The following ZNF133 variants were observed in gnomAD, a reference collection of about 807,000 sequenced individuals.
The protein encoded by ZNF133 is zinc finger protein 133 (clone pHZ-13).
In ZNF133, 26 loss-of-function variants were observed where a neutral mutation model predicts 54.9. That is an observed-to-expected ratio of 0.47 (90% CI 0.35 to 0.66). The LOEUF (loss-of-function observed/expected upper bound fraction) is 0.66, where lower values mean the gene tolerates loss of function less well. ZNF133 is among the 30% of genes least tolerant of loss of function. The pLI is 0.01. For missense variants in ZNF133, 653 were observed against 820.8 expected (o/e 0.80, Z 2.50); for synonymous variants, 298 against 320.3 (o/e 0.93, Z 0.74).
intron 3 of ZNF133, among the ~76,000 whole-genome samples, chr20:18,302,876 C>T (rs537500274): frequency 1.3e-5 from 2 of 152,018 alleles, no homozygotes; most frequent in African/African-American, 2.4e-5. Context: ...TAACAGTGAA[C>T]AATCCTAATA....
At chr20:18,308,378 A>G (rs562000105) in intron 6 of ZNF133, among the ~76,000 whole-genome samples, 6 of 152,248 alleles carry the variant, frequency 3.9e-5, no homozygotes, top group Non-Finnish European at 5.9e-5. Context: ...ACTTGCTTGT[A>G]TCCTTACTGT....
intron 1 of ZNF133, chr20:18,289,878 TCTC>T (rs1297359707): frequency 1.3e-5 from 2 of 152,256 alleles, no homozygotes; most frequent in Non-Finnish European, 2.9e-5. Flanking sequence ...GCAGTTCTTT[TCTC>T]CTTTTCTTCT....
intron 3 of ZNF133, among the ~76,000 whole-genome samples, chr20:18,299,468 A>G (rs1310071159): frequency 3.3e-5 from 5 of 152,354 alleles, no homozygotes; most frequent in Non-Finnish European, 7.3e-5. Flanking sequence ...AAGTGGATCA[A>G]CTATGCCTTA....
At chr20:18,313,424 C>G (rs1379109058) in intron 6 of ZNF133, 1 of 152,154 alleles carries the variant, frequency 6.6e-6, no homozygotes, top group Non-Finnish European at 1.5e-5. Context: ...AGCCTTGGTT[C>G]TTATAAGGGT....
In ZNF133 at chr20:18,310,325, C is replaced by T. The variant is rs1020235098; in HGVS notation, c.217+3932C>T. 52 of 1,528,324 alleles carry T rather than the reference C, an allele frequency of 3.4e-5. 1 individual carries two copies. The Admixed American group carries it at 3.7e-4, about 11-fold the overall frequency. The allele number at this position is 1,528,324 out of a possible 1,614,324, so 94.7% of individuals were successfully genotyped here. ...GTTCTAGGTATAAAATACATCTTAACGGTTTCATTATTCTATATTTGGGAC... is the reference window on the plus strand; with the variant it reads ...GTTCTAGGTATAAAATACATCTTAATGGTTTCATTATTCTATATTTGGGAC... On this transcript the variant is annotated intron_variant, in intron 6 of 6. Transcript: ENST00000425686.
chr20:18,299,242 A>G (rs553722911), intron 3 of ZNF133, among the ~76,000 whole-genome samples: 1 of 152,256 alleles, frequency 6.6e-6, no homozygotes, highest in Non-Finnish European at 1.5e-5. Flanking sequence ...GGAAATATCA[A>G]TAAACAGACA....
chr20:18,291,523 T>G (rs1021830545), intron 1 of ZNF133, among the ~76,000 whole-genome samples: 1 of 152,080 alleles, frequency 6.6e-6, no homozygotes, highest in Non-Finnish European at 1.5e-5. Context: ...CCCTCCCAAA[T>G]TTCCACCGTG....
intron 5 of ZNF133, among the ~76,000 whole-genome samples, chr20:18,306,086 G>C (rs545709315): frequency 6.6e-6 from 1 of 152,198 alleles, no homozygotes; most frequent in Admixed American, 6.5e-5. Flanking sequence ...TAAATGAGAG[G>C]GGTGTTCATC....
At chr20:18,310,493 G>A (rs1265704813) in intron 6 of ZNF133, among the ~76,000 whole-genome samples, 1 of 152,188 alleles carries the variant, frequency 6.6e-6, no homozygotes, top group Non-Finnish European at 1.5e-5. Flanking sequence ...GATGAACCTG[G>A]AGGATGTTAT....
Position 18,306,371 on chromosome 20 carries a change from A to G in ZNF133, c.195A>G (p.Lys65=), listed in dbSNP as rs772353599. 9 of 1,613,684 alleles carry G rather than the reference A, an allele frequency of 5.6e-6. No homozygotes were observed. Among genetic ancestry groups the G allele is most frequent in the Non-Finnish European group, 6.8e-6 (8 of 1,179,846 alleles). ...QGKETWREEK[K]CSPATCPADP... ...AAGAGACCTGGAGAGAGGAAAAAAAATGTTCACCGGCAACCTGTCCAGGTG... is the reference window on the plus strand; with the variant it reads ...AAGAGACCTGGAGAGAGGAAAAAAAGTGTTCACCGGCAACCTGTCCAGGTG... Residue 65 remains lysine (K), a synonymous_variant, in exon 6 of 7, where the codon AAA becomes AAG. Transcript: ENST00000425686.
Position 18,316,342 on chromosome 20 carries a change from G to A in ZNF133, c.1491G>A (p.Gly497=), listed in dbSNP as rs369911228. ...THSGEKPMVC[G]ECGRGFSQKS... Reference sequence around the variant, plus strand: ...CAGGCGAGAAGCCCATGGTGTGTGGGGAGTGCGGGCGAGGCTTCAGCCAGA... The same window carrying A: ...CAGGCGAGAAGCCCATGGTGTGTGGAGAGTGCGGGCGAGGCTTCAGCCAGA... The change falls in exon 7 of 7, where the codon GGG becomes GGA. Residue 497 remains glycine (G), a synonymous_variant. Transcript: ENST00000425686. The A allele has an allele frequency of 6.2e-7, 1 of 1,612,512 alleles. No individual in the cohort carries two copies. The highest frequency in any genetic ancestry group is 1.1e-5 in the South Asian group (1 of 90,858).
chr20:18,294,686 G>A (rs573994914), intron 1 of ZNF133, among the ~76,000 whole-genome samples: 83 of 152,272 alleles, frequency 5.5e-4, no homozygotes, highest in African/African-American at 1.6e-3. Context: ...AAGAAGGGGT[G>A]TTGAGTTTTG....
At chr20:18,299,177 T>G (rs2042852998) in intron 3 of ZNF133, among the ~76,000 whole-genome samples, 1 of 152,188 alleles carries the variant, frequency 6.6e-6, no homozygotes, top group Admixed American at 6.5e-5. Context: ...ACAGCCATCT[T>G]AAAGAGCTAA....
Position 18,300,732 on chromosome 20 carries a change from T to C in ZNF133, c.-178+2268T>C, listed in dbSNP as rs555663674. Among the ~76,000 whole-genome samples the C allele has an allele frequency of 7.6e-4, 115 of 152,158 alleles. 1 individual carries two copies. The highest frequency in any genetic ancestry group is 7.3e-3 in the South Asian group (35 of 4,820). On this transcript the variant is annotated intron_variant, in intron 3 of 6. Coordinates refer to ENST00000425686, the MANE Select transcript of ZNF133 (RefSeq NM_001352452.2). ...AGGTTACAAGAGATAAGGAAGACAT[T>C]AATACAAAAGGTTTACTACAGCAAG...
intron 1 of ZNF133, among the ~76,000 whole-genome samples, chr20:18,288,846 G>A (rs1600290348): frequency 6.6e-6 from 1 of 152,192 alleles, no homozygotes; most frequent in South Asian, 2.1e-4. Context: ...ACTGGATGGT[G>A]ATGAGTGGGG....
chr20:18,298,110 T>G, intron 2 of ZNF133, 48 bp downstream of exon 2: 1 of 1,535,150 alleles, frequency 6.5e-7, no homozygotes, highest in South Asian at 1.2e-5. Context: ...ATGGACACAT[T>G]CCCTTCTCTT....
rs1291107588 is a variant in ZNF133 at position 18,308,606 on chromosome 20, T to C, written c.217+2213T>C. ...CCTTTAACTTCCTCTTTATTTCTTT[T>C]TAGTCTTAGCACTGTACTTTCTGGT... On this transcript the variant is annotated intron_variant, in intron 6 of 6. Transcript: ENST00000425686. 2.6e-5 allele frequency among the ~76,000 whole-genome samples: 4 copies of C among 152,352 alleles called. No individual in the cohort carries two copies. In the East Asian group the frequency reaches 7.7e-4, roughly 29 times the overall value.
intron 1 of ZNF133, among the ~76,000 whole-genome samples, chr20:18,296,332 G>C (rs986534115): frequency 6.6e-6 from 1 of 151,814 alleles, no homozygotes; most frequent in African/African-American, 2.4e-5. Context: ...ATTTTAACAT[G>C]TTTGAGTCAA....
intron 1 of ZNF133, among the ~76,000 whole-genome samples, chr20:18,288,938 G>A (rs540898564): frequency 4.6e-5 from 7 of 152,248 alleles, no homozygotes; most frequent in African/African-American, 1.4e-4. Context: ...AAAGGGAGTC[G>A]CTGATGCCAT....
Sources: allele counts gnomAD v4.1 joint callset (sites outside exome capture counted in the v4.1 genomes callset), GRCh38; gene constraint gnomAD v4.1.1; transcripts MANE v1.5; gene names NCBI Gene and HGNC (gene_info 2026-07-23, HGNC 2026-07-21).